Variants in THSD7A observed in about 807,000 individuals in gnomAD.
THSD7A encodes the protein thrombospondin type 1 domain containing 7A.
THSD7A carries 96 observed loss-of-function variants against 231.3 expected under a neutral mutation model. That is an observed-to-expected ratio of 0.41 (90% confidence interval 0.35 to 0.49). THSD7A has a LOEUF of 0.49. Ranked by LOEUF, THSD7A falls within the 20% of genes least tolerant of loss-of-function variation. The probability of loss-of-function intolerance (pLI) is 0.05; values close to 1 mark genes in which losing one functional copy is unlikely to be tolerated. For synonymous variants in THSD7A, 940 were observed against 743.3 expected (o/e 1.26, Z -4.30); for missense variants, 2,290 against 2,070.2 (o/e 1.11, Z -2.06).
At chr7:11,672,900 T>C (rs1783457048) in intron 1 of THSD7A, among the ~76,000 whole-genome samples, 1 of 152,152 alleles carries the variant, frequency 6.6e-6, no homozygotes, top group South Asian at 2.1e-4. Flanking sequence ...CTGAAATAAT[T>C]TTAATTAGTT....
At chr7:11,625,236 T>A (rs1377755732) in intron 2 of THSD7A, among the ~76,000 whole-genome samples, 1 of 152,156 alleles carries the variant, frequency 6.6e-6, no homozygotes, top group Non-Finnish European at 1.5e-5. Context: ...GTTGTTGTTA[T>A]TGTTGCATAG....
chr7:11,425,716 C>T (rs1215793915), intron 15 of THSD7A, among the ~76,000 whole-genome samples: 1 of 144,764 alleles, frequency 6.9e-6, no homozygotes, highest in African/African-American at 2.7e-5. Context: ...GATAGTCCAA[C>T]TCTATCCCTT....
rs1328077390 is a variant in THSD7A at position 11,474,353 on chromosome 7, C to T, written c.2233G>A (p.Gly745Ser). The change falls in exon 8 of 28, where the codon GGC (glycine) becomes AGC (serine). Residue 745 changes from glycine to serine, a missense_variant. Transcript: ENST00000423059. The surrounding 1 kb of genome is among the most constrained non-coding windows in gnomAD (Gnocchi z 4.1). ...RKVICVRVNVGQVGPKKCPES... is the reference protein window; with the variant it reads ...RKVICVRVNVSQVGPKKCPES... Reference sequence around the variant, plus strand: ...TCTTACTTTTTGGGTCCCACTTGGCCCACATTGACTCGCACACAGATGACT... The same window carrying T: ...TCTTACTTTTTGGGTCCCACTTGGCTCACATTGACTCGCACACAGATGACT... 3 of 1,611,974 alleles carry T rather than the reference C, an allele frequency of 1.9e-6. No homozygotes were observed. The highest frequency in any genetic ancestry group is 3.3e-4 in the Middle Eastern group (2 of 6,046).
At chr7:11,777,121 T>C (rs1783432990) in intron 1 of THSD7A, among the ~76,000 whole-genome samples, 1 of 152,120 alleles carries the variant, frequency 6.6e-6, no homozygotes, top group African/African-American at 2.4e-5. Context: ...GAGCGAAAAA[T>C]GCAAAAAGTA....
chr7:11,652,624 G>C (rs988002982), intron 1 of THSD7A, among the ~76,000 whole-genome samples: 1 of 151,500 alleles, frequency 6.6e-6, no homozygotes, highest in African/African-American at 2.4e-5. Context: ...TATCAAAATT[G>C]GTTCATTTAT....
chr7:11,439,403 G>A (rs940806741), intron 13 of THSD7A, among the ~76,000 whole-genome samples: 3 of 151,834 alleles, frequency 2.0e-5, no homozygotes, highest in Non-Finnish European at 2.9e-5. Flanking sequence ...TTGTGTCTCC[G>A]TGTCACATTT....
At chr7:11,701,805 AC>A (rs1177523672) in intron 1 of THSD7A, among the ~76,000 whole-genome samples, 1 of 151,180 alleles carries the variant, frequency 6.6e-6, no homozygotes, top group Non-Finnish European at 1.5e-5. Flanking sequence ...ATGACTGTAA[AC>A]CTTCCCTAAA....
At chr7:11,704,526 A>G (rs1469880270) in intron 1 of THSD7A, among the ~76,000 whole-genome samples, 2 of 150,800 alleles carry the variant, frequency 1.3e-5, no homozygotes, top group African/African-American at 4.9e-5. Flanking sequence ...AAAGAGCCAG[A>G]GACTCTTTGG....
chr7:11,673,327 AG>A (rs1353806790), intron 1 of THSD7A, among the ~76,000 whole-genome samples: 1 of 152,148 alleles, frequency 6.6e-6, no homozygotes, highest in South Asian at 2.1e-4. Context: ...CTGGAGAACA[AG>A]CAGAGGTGTA....
intron 6 of THSD7A, among the ~76,000 whole-genome samples, chr7:11,489,100 T>C (rs890757431): frequency 6.6e-6 from 1 of 152,156 alleles, no homozygotes; most frequent in Non-Finnish European, 1.5e-5. Context: ...GAGAACCTTC[T>C]GGCCAGAGAG....
In THSD7A at chr7:11,784,890, A is replaced by G. The variant is rs149535981; in HGVS notation, c.190+46867T>C. 1.8e-3 allele frequency among the ~76,000 whole-genome samples: 268 copies of G among 152,258 alleles called. 2 individuals are homozygous for G. In the East Asian group the frequency reaches 0.018, roughly 10 times the overall value. On this transcript the variant is annotated intron_variant, in intron 1 of 27. Transcript: ENST00000423059. ...TGTGTTTGCTTTTGCCAAGTACCCT[A>G]AGGGATCTACCAGTGTGGGACAACT...
At chr7:11,485,093 A>C (rs1364558493) in intron 6 of THSD7A, among the ~76,000 whole-genome samples, 2 of 151,358 alleles carry the variant, frequency 1.3e-5, no homozygotes, top group Non-Finnish European at 2.9e-5. Flanking sequence ...GTTTCACCAT[A>C]CTGGCCAGGC....
intron 6 of THSD7A, among the ~76,000 whole-genome samples, chr7:11,515,464 T>C (rs961120771): frequency 2.0e-5 from 3 of 152,138 alleles, no homozygotes; most frequent in Admixed American, 2.0e-4. Context: ...AGGCAGATAA[T>C]TTAATAATCC....
intron 1 of THSD7A, among the ~76,000 whole-genome samples, chr7:11,796,383 C>T (rs536930933): frequency 1.9e-4 from 28 of 151,326 alleles, no homozygotes; most frequent in African/African-American, 5.6e-4. Flanking sequence ...GTATGTACTC[C>T]GCACATAAAC....
At chr7:11,706,373 G>T (rs902428641) in intron 1 of THSD7A, among the ~76,000 whole-genome samples, 6 of 150,784 alleles carry the variant, frequency 4.0e-5, no homozygotes, top group Non-Finnish European at 8.9e-5. Context: ...CATTGAATTT[G>T]CAAGTGGCAA....
chr7:11,478,945 G>A (rs1480967708), intron 7 of THSD7A, among the ~76,000 whole-genome samples: 2 of 152,186 alleles, frequency 1.3e-5, no homozygotes, highest in Admixed American at 6.5e-5. Context: ...ACAATGAAAC[G>A]TGAGAAATGA....
intron 1 of THSD7A, among the ~76,000 whole-genome samples, chr7:11,727,245 C>T (rs913711302): frequency 6.6e-6 from 1 of 151,896 alleles, no homozygotes; most frequent in Non-Finnish European, 1.5e-5. Flanking sequence ...TCAATTTTGA[C>T]TCTCTTAAAC....
At chr7:11,700,142 T>C (rs1459239426) in intron 1 of THSD7A, among the ~76,000 whole-genome samples, 1 of 151,328 alleles carries the variant, frequency 6.6e-6, no homozygotes, top group African/African-American at 2.4e-5. Context: ...GCATACAACA[T>C]GCTAAAGCTA....
In THSD7A at chr7:11,637,193, G is replaced by C. The variant is rs916855472; in HGVS notation, c.191-232C>G. ...TAACTTCTGGGACAATTTCACTTTG[G>C]GTCCTTTAGGGATTACGAAAAGTTT... On this transcript the variant is annotated intron_variant, in intron 1 of 27. Transcript: ENST00000423059. This position sits in a 1 kb window ranked among gnomAD's most constrained non-coding sequence, Gnocchi z 4.2. Among the ~76,000 whole-genome samples, 1 of 152,218 alleles carries C rather than the reference G, an allele frequency of 6.6e-6. No homozygotes were observed. The highest frequency in any genetic ancestry group is 1.9e-4 in the East Asian group (1 of 5,184).
Sources: gnomAD v4.1 joint callset for allele counts (sites outside exome capture counted in the v4.1 genomes callset) on GRCh38, gnomAD v4.1.1 for gene constraint, Gnocchi (gnomAD v3.1) non-coding constraint, MANE v1.5 for transcripts, NCBI Gene and HGNC (gene_info 2026-07-23, HGNC 2026-07-21) for gene names.